TACC3: variants seen among roughly 807,000 people sequenced by gnomAD.
TACC3 encodes the protein transforming acidic coiled-coil-containing protein 3.
TACC3 carries 52 observed loss-of-function variants against 86.0 expected under a neutral mutation model. The ratio of observed to expected loss-of-function variants is 0.60; its 90% confidence interval spans 0.48 to 0.76. The LOEUF (loss-of-function observed/expected upper bound fraction) is 0.76, where lower values mean the gene tolerates loss of function less well. Among genes scored for constraint, TACC3 ranks in the 30% least tolerant of loss-of-function variants. TACC3 has a pLI of 0.00. For missense variants in TACC3, 1,120 were observed against 1,070.4 expected, an observed-to-expected ratio of 1.05 and a Z score of -0.65; for synonymous variants, 512 against 430.0, an observed-to-expected ratio of 1.19 and a Z score of -2.36.
At position 1,728,295 on chromosome 4, in the gene TACC3, C is replaced by T; in HGVS notation, c.893C>T (p.Ala298Val). The change falls in exon 4 of 16, where the codon GCT (alanine) becomes GTT (valine). Residue 298 changes from alanine to valine, a missense_variant. Physicochemically the swap from Ala to Val is moderately conservative, Grantham distance 64 (BLOSUM62 0). Coordinates refer to ENST00000313288, the MANE Select transcript of TACC3 (RefSeq NM_006342.3). ...ACCCTTACCTGTGCACACACCTCTG[C>T]TCCTGAGAGCACAGCCCCAACCAAC... ...TQTLTCAHTS[A>V]PESTAPTNHL... The T allele has an allele frequency of 6.2e-7, 1 of 1,612,852 alleles. No individual in the cohort carries two copies. The highest frequency in any genetic ancestry group is 8.5e-7 in the Non-Finnish European group (1 of 1,180,030).
chr4:1,739,813 CATCCCCCTCGCCATCCTT>C, intron 11 of TACC3, 35 bp downstream of exon 11: 2 of 693,280 alleles, frequency 2.9e-6, no homozygotes, highest in Non-Finnish European at 4.1e-6. Flanking sequence ...TCCCCGTCCC[CATCCCCCTCGCCATCCTT>C]GTCCCCATCC....
chr4:1,741,902 T>G (rs996409542), intron 13 of TACC3: 2 of 152,098 alleles, frequency 1.3e-5, no homozygotes, highest in African/African-American at 4.8e-5. Flanking sequence ...AATAACCAAG[T>G]GTGAAAGGAA....
chr4:1,724,453 C>A (rs545369878), intron 3 of TACC3, among the ~76,000 whole-genome samples: 1 of 132,332 alleles, frequency 7.6e-6, no homozygotes, highest in South Asian at 2.5e-4. Context: ...TGCAGTGGCT[C>A]GATTTCGGCT....
intron 3 of TACC3, 106 bp from the exon 4 acceptor site, chr4:1,727,602 C>T (rs1717751425): frequency 6.7e-7 from 1 of 1,502,746 alleles, no homozygotes; most frequent in Non-Finnish European, 8.9e-7. Context: ...GTGACTCAGC[C>T]CTGCTTCTGG....
chr4:1,737,760 C>A, intron 10 of TACC3, 58 bp downstream of exon 10: 1 of 1,464,408 alleles, frequency 6.8e-7, no homozygotes, highest in Non-Finnish European at 9.4e-7. Flanking sequence ...GGGGCTTGGC[C>A]AACAGTGGGC....
intron 13 of TACC3, 104 bp from the exon 14 acceptor site, chr4:1,744,414 G>A (rs928710847): frequency 1.0e-5 from 11 of 1,073,108 alleles, no homozygotes; most frequent in South Asian, 1.5e-5. Flanking sequence ...GCTCACGGCT[G>A]ATGCCCCAGA....
intron 3 of TACC3, among the ~76,000 whole-genome samples, chr4:1,724,302 A>G (rs937202715): frequency 1.8e-4 from 27 of 151,516 alleles, no homozygotes; most frequent in African/African-American, 6.3e-4. Context: ...TGAAATCTGC[A>G]CTGAGTGTAT....
At chr4:1,722,623 G>A (rs1002917430) in intron 1 of TACC3, among the ~76,000 whole-genome samples, 3 of 152,098 alleles carry the variant, frequency 2.0e-5, no homozygotes, top group African/African-American at 4.8e-5. Flanking sequence ...GCCTCCCCAG[G>A]TCCCCCTCCA....
chr4:1,734,751 G>C (rs1718171473), intron 6 of TACC3, among the ~76,000 whole-genome samples: 1 of 151,720 alleles, frequency 6.6e-6, no homozygotes, highest in African/African-American at 2.4e-5. Flanking sequence ...GCTCAGTGCA[G>C]CCTCCACCTC....
intron 10 of TACC3, chr4:1,738,246 C>T (rs894752514): frequency 6.0e-5 from 16 of 265,496 alleles, no homozygotes; most frequent in East Asian, 1.0e-4. Flanking sequence ...TGTGAGCTAC[C>T]GTCGCCAGAT....
chr4:1,739,685 G>C lies in TACC3; in HGVS notation c.1942-17G>C. 6.4e-7 allele frequency: 1 copy of C among 1,567,900 alleles called. No individual in the cohort carries two copies. Among genetic ancestry groups the C allele is most frequent in the Non-Finnish European group, 8.6e-7 (1 of 1,157,778 alleles). ...GTCTGGCCCGCCTGCCTGCTGACTT[G>C]GGTGTGGCCTGAGCAGGTAAAGGCG... is the stretch of plus-strand genomic sequence containing the variant. On this transcript the variant is annotated splice_polypyrimidine_tract_variant and intron_variant, in intron 10 of 15. Coordinates refer to ENST00000313288, the MANE Select transcript of TACC3 (RefSeq NM_006342.3).
At chr4:1,734,204 C>G (rs1461956932) in intron 6 of TACC3, among the ~76,000 whole-genome samples, 2 of 151,778 alleles carry the variant, frequency 1.3e-5, no homozygotes, top group East Asian at 1.9e-4. Flanking sequence ...TGTTTTTTTC[C>G]CGAGACGGAG....
chr4:1,742,078 A>T (rs1372168122), intron 13 of TACC3: 1 of 152,218 alleles, frequency 6.6e-6, no homozygotes, highest in Non-Finnish European at 1.5e-5. Flanking sequence ...CCTGGGCAAT[A>T]GACCAAGACC....
chr4:1,726,128 C>T (rs1380066460), intron 3 of TACC3, among the ~76,000 whole-genome samples: 1 of 152,244 alleles, frequency 6.6e-6, no homozygotes, highest in Admixed American at 6.5e-5. Context: ...ATCCCAACAG[C>T]CGCCTCTTCT....
intron 8 of TACC3, among the ~76,000 whole-genome samples, 193 bp downstream of exon 8, chr4:1,736,027 G>A (rs976366804): frequency 6.6e-6 from 1 of 152,250 alleles, no homozygotes; most frequent in Non-Finnish European, 1.5e-5. Flanking sequence ...AGCAACGGCA[G>A]CCTACCCTCC....
In TACC3 at chr4:1,735,700, C is replaced by A; in HGVS notation, c.1645-31C>A. On this transcript the variant is annotated intron_variant, in intron 7 of 15. Transcript: ENST00000313288. This position sits in a 1 kb window ranked among gnomAD's most constrained non-coding sequence, Gnocchi z 4.2. Reference sequence around the variant, plus strand: ...CCCGTGTGTGTTAGGGGATGGCAGTCAGACCTGATCACTTGCCCTCTTGTC... The same window carrying A: ...CCCGTGTGTGTTAGGGGATGGCAGTAAGACCTGATCACTTGCCCTCTTGTC... 2 of 1,562,502 alleles carry A rather than the reference C, an allele frequency of 1.3e-6. No homozygotes were observed. The highest frequency in any genetic ancestry group is 1.1e-5 in the South Asian group (1 of 89,838).
intron 4 of TACC3, among the ~76,000 whole-genome samples, chr4:1,730,205 A>AT (rs1190443039): frequency 2.0e-5 from 3 of 151,914 alleles, no homozygotes; most frequent in Non-Finnish European, 4.4e-5. Context: ...TGCCCGGCTA[A>AT]TTTTTTTGTA....
rs767975688 is a variant in TACC3, at chr4:1,728,425, T to C, written c.1023T>C (p.Asp341=). ...SRSGPVKLEF[D]VSDGATSKRA... ...GCGGACCTGTAAAACTAGAATTTGA[T>C]GTATCTGATGGCGCCACCAGCAAAA... The change falls in exon 4 of 16, where the codon GAT becomes GAC. Residue 341 remains aspartate, a synonymous_variant. Transcript: ENST00000313288. 1.9e-6 allele frequency: 3 copies of C among 1,613,602 alleles called. No individual in the cohort carries two copies. Among genetic ancestry groups the C allele is most frequent in the Non-Finnish European group, 2.5e-6 (3 of 1,180,024 alleles).
rs879109597 is a variant in TACC3, at chr4:1,735,094, G to A, written c.1592-179G>A. ...CTGGGGATGCCGCTCAGCACCCTGC[G>A]GTGCCCAGGAGGCGCCTGCCGCAGA... is the stretch of plus-strand genomic sequence containing the variant. On this transcript the variant is annotated intron_variant, in intron 6 of 15. Coordinates refer to ENST00000313288, the MANE Select transcript of TACC3 (RefSeq NM_006342.3). The surrounding 1 kb of genome is among the most constrained non-coding windows in gnomAD (Gnocchi z 4.2). Among the ~76,000 whole-genome samples the A allele has an allele frequency of 9.9e-5, 15 of 152,198 alleles. No individual in the cohort carries two copies. Among genetic ancestry groups the A allele is most frequent in the South Asian group, 6.2e-4 (3 of 4,836 alleles).
Sources: gnomAD v4.1 joint callset for allele counts (sites outside exome capture counted in the v4.1 genomes callset) on GRCh38, gnomAD v4.1.1 for gene constraint, Gnocchi (gnomAD v3.1) non-coding constraint, MANE v1.5 for transcripts, NCBI Gene and HGNC (gene_info 2026-07-23, HGNC 2026-07-21) for gene names.